Variants in ELMO1 observed in about 807,000 individuals in gnomAD.
ELMO1 encodes the protein engulfment and cell motility protein 1.
Under a neutral mutation model 98.9 loss-of-function variants are expected in ELMO1, and 26 were observed. The ratio of observed to expected loss-of-function variants is 0.26; its 90% confidence interval spans 0.19 to 0.36. The LOEUF (loss-of-function observed/expected upper bound fraction) is 0.36, where lower values mean the gene tolerates loss of function less well. Among genes scored for constraint, ELMO1 ranks in the 10% least tolerant of loss-of-function variants. The pLI, the probability that ELMO1 is intolerant of heterozygous loss-of-function variation, is 1.00. For synonymous variants in ELMO1, 346 were observed against 346.0 expected (o/e 1.00, Z 0.00); for missense variants, 627 against 935.2 (o/e 0.67, Z 4.30).
At chr7:37,244,818 C>T (rs1399813911) in intron 6 of ELMO1, among the ~76,000 whole-genome samples, 1 of 152,082 alleles carries the variant, frequency 6.6e-6, no homozygotes, top group Non-Finnish European at 1.5e-5. Context: ...ACTAATTTTA[C>T]TTTCTCTTTT....
At chr7:37,375,056 C>A (rs1478051654) in intron 1 of ELMO1, among the ~76,000 whole-genome samples, 2 of 151,196 alleles carry the variant, frequency 1.3e-5, no homozygotes, top group Admixed American at 1.3e-4. Flanking sequence ...AAGAGTCTGT[C>A]AAAAAAAAGA....
intron 1 of ELMO1, among the ~76,000 whole-genome samples, chr7:37,425,219 T>G (rs1262721092): frequency 6.6e-6 from 1 of 152,168 alleles, no homozygotes; most frequent in African/African-American, 2.4e-5. Flanking sequence ...CTGGTGAGGG[T>G]GCTCTTCTGG....
chr7:36,907,818 T>C (rs1379181295), intron 16 of ELMO1, among the ~76,000 whole-genome samples: 1 of 152,192 alleles, frequency 6.6e-6, no homozygotes, highest in Non-Finnish European at 1.5e-5. Context: ...CGGCACTTCT[T>C]TTTTCTGCTG....
At chr7:36,965,385 C>A (rs1365792143) in intron 16 of ELMO1, among the ~76,000 whole-genome samples, 1 of 152,140 alleles carries the variant, frequency 6.6e-6, no homozygotes. Context: ...AGGCACTTTT[C>A]CCCTAGGTTA....
intron 2 of ELMO1, among the ~76,000 whole-genome samples, chr7:37,328,446 G>A (rs985268412): frequency 7.6e-5 from 11 of 145,062 alleles, no homozygotes; most frequent in African/African-American, 2.8e-4. Flanking sequence ...ACAGCACATG[G>A]AAGAGAGTCA....
At chr7:37,114,099 C>T (rs952008229) in intron 14 of ELMO1, among the ~76,000 whole-genome samples, 1 of 152,182 alleles carries the variant, frequency 6.6e-6, no homozygotes, top group Non-Finnish European at 1.5e-5. Flanking sequence ...AGAGCTGTGG[C>T]AAAAGTGCTG....
chr7:37,375,530 G>A lies in ELMO1; in HGVS notation c.-73-32767C>T, dbSNP rs988871413. Reference sequence around the variant, plus strand: ...ACCCCAGAGCCACCAAGATGTTGATGCCTAAGAAGAACCAGATTGCCATTT... The same window carrying A: ...ACCCCAGAGCCACCAAGATGTTGATACCTAAGAAGAACCAGATTGCCATTT... On this transcript the variant is annotated intron_variant, in intron 1 of 21. Coordinates refer to ENST00000310758, the MANE Select transcript of ELMO1 (RefSeq NM_014800.11). 8.1e-6 allele frequency: 8 copies of A among 982,154 alleles called. No individual in the cohort carries two copies. The African/African-American group carries it at 1.1e-4, about 14-fold the overall frequency. The allele number at this position is 982,154 out of a possible 1,614,324, so 60.8% of individuals were successfully genotyped here.
intron 2 of ELMO1, among the ~76,000 whole-genome samples, chr7:37,341,347 A>G (rs1411164915): frequency 6.6e-6 from 1 of 152,162 alleles, no homozygotes; most frequent in African/African-American, 2.4e-5. Flanking sequence ...ATCTCCAAAC[A>G]TTTTCTTAAG....
At chr7:37,403,001 T>A (rs1483091773) in intron 1 of ELMO1, among the ~76,000 whole-genome samples, 4 of 152,154 alleles carry the variant, frequency 2.6e-5, no homozygotes, top group African/African-American at 9.7e-5. Flanking sequence ...CACTCAAATG[T>A]TTAGAGCATT....
intron 1 of ELMO1, among the ~76,000 whole-genome samples, chr7:37,394,624 G>A (rs1803215840): frequency 6.6e-6 from 1 of 152,202 alleles, no homozygotes. Context: ...AGGCTGATGA[G>A]GGTTCATCTA....
intron 12 of ELMO1, among the ~76,000 whole-genome samples, chr7:37,212,041 C>A (rs904250146): frequency 2.0e-5 from 3 of 152,172 alleles, no homozygotes; most frequent in African/African-American, 7.2e-5. Context: ...GGGATACTAT[C>A]CAGGCTTTGA....
chr7:37,374,810 C>T (rs769420121), intron 1 of ELMO1, among the ~76,000 whole-genome samples: 2 of 151,956 alleles, frequency 1.3e-5, no homozygotes, highest in Non-Finnish European at 2.9e-5. Flanking sequence ...CGCCTGTAAT[C>T]TCAGCACTTT....
chr7:37,248,230 A>AT (rs1024033313), intron 6 of ELMO1, among the ~76,000 whole-genome samples: 1 of 151,650 alleles, frequency 6.6e-6, no homozygotes, highest in Non-Finnish European at 1.5e-5. Context: ...CAATATACCT[A>AT]TTTTTTTAGA....
chr7:37,258,878 A>G (rs1795833988), intron 6 of ELMO1, among the ~76,000 whole-genome samples: 1 of 151,988 alleles, frequency 6.6e-6, no homozygotes, highest in Admixed American at 6.6e-5. Flanking sequence ...GTCGAGTTAT[A>G]CTTTCATTGT....
chr7:37,102,004 AAATC>A (rs1289597947), intron 14 of ELMO1, among the ~76,000 whole-genome samples: 1 of 152,106 alleles, frequency 6.6e-6, no homozygotes, highest in Non-Finnish European at 1.5e-5. Flanking sequence ...CTCCCATACT[AAATC>A]AACAAATAAA....
intron 1 of ELMO1, among the ~76,000 whole-genome samples, chr7:37,364,622 G>A (rs10260358): frequency 3.4e-5 from 5 of 148,822 alleles, no homozygotes; most frequent in African/African-American, 1.2e-4. Context: ...CTGTAATTAA[G>A]ATAGGGAAAA....
intron 21 of ELMO1, among the ~76,000 whole-genome samples, chr7:36,856,200 T>C (rs1251988889): frequency 1.3e-5 from 2 of 152,206 alleles, no homozygotes; most frequent in Non-Finnish European, 2.9e-5. Context: ...CAGTCATGGC[T>C]CCTAGTCTAG....
intron 7 of ELMO1, among the ~76,000 whole-genome samples, chr7:37,233,880 G>C (rs1267937840): frequency 2.0e-5 from 3 of 152,166 alleles, no homozygotes; most frequent in African/African-American, 7.2e-5. Flanking sequence ...TAATGGGTTT[G>C]CTGACCAAAA....
intron 16 of ELMO1, among the ~76,000 whole-genome samples, chr7:36,942,513 T>A (rs1032981513): frequency 6.6e-6 from 1 of 152,236 alleles, no homozygotes; most frequent in African/African-American, 2.4e-5. Flanking sequence ...TGCCACCCTC[T>A]GAGGAGGCTT....
Sources: gnomAD v4.1 joint callset for allele counts (sites outside exome capture counted in the v4.1 genomes callset) on GRCh38, gnomAD v4.1.1 for gene constraint, MANE v1.5 for transcripts, NCBI Gene and HGNC (gene_info 2026-07-23, HGNC 2026-07-21) for gene names.